Variants in ADNP2 observed in about 807,000 individuals in gnomAD.
The protein encoded by ADNP2 is ADNP homeobox 2, also known as activity-dependent neuroprotector homeobox protein 2.
A neutral mutation model predicts 16.4 loss-of-function variants in ADNP2; 8 were observed. The ratio of observed to expected loss-of-function variants is 0.49; its 90% CI spans 0.29 to 0.88. The LOEUF is 0.88. Among genes scored for constraint, ADNP2 ranks in the 40% least tolerant of loss-of-function variants. ADNP2 has a pLI of 0.09. For missense variants in ADNP2, 1,397 were observed against 1,395.1 expected (o/e 1.00, Z -0.02); for synonymous variants, 637 against 545.8 (o/e 1.17, Z -2.33).
chr18:80,129,610 T>G (rs2052483352), intron 2 of ADNP2, among the ~76,000 whole-genome samples: 1 of 152,152 alleles, frequency 6.6e-6, no homozygotes, highest in Non-Finnish European at 1.5e-5. Flanking sequence ...TTCTTTTAAA[T>G]GAGAAGTTCT....
rs749460963 is a variant in ADNP2 at position 80,138,187 on chromosome 18, A to G, written c.2774A>G (p.Asn925Ser). ...CIHCCGVYTG[N>S]MTLAAIAVHL... ...CACTGCTGTGGGGTCTACACGGGAA[A>G]TATGACCCTGGCTGCCATCGCCGTC... Residue 925 changes from asparagine to serine, a missense_variant, in exon 4 of 4, where the codon AAT becomes AGT. By Grantham distance (46) the Asn-to-Ser change is conservative (BLOSUM62 1). Around this residue, in one of 3 missense-constraint regions of ADNP2, gnomAD observed 611 missense variants for 648.7 expected, o/e 0.94. Transcript: ENST00000262198. 1.9e-6 allele frequency: 3 copies of G among 1,614,164 alleles called. No individual in the cohort carries two copies. Among genetic ancestry groups the G allele is most frequent in the Admixed American group, 3.3e-5 (2 of 60,024 alleles).
At position 80,111,686 on chromosome 18, in the gene ADNP2, C is replaced by A. The variant is rs548473258; in HGVS notation, c.-14+2214C>A. Among the ~76,000 whole-genome samples the A allele has an allele frequency of 2.3e-4, 35 of 151,330 alleles. 2 individuals are homozygous for A. The South Asian group carries it at 6.9e-3, about 30-fold the overall frequency. On this transcript the variant is annotated intron_variant, in intron 1 of 3. Coordinates refer to ENST00000262198, the MANE Select transcript of ADNP2 (RefSeq NM_014913.4). The stretch of plus-strand genomic sequence containing the variant: ...GGTTCAAGCGATTCTCCTGCCTCAG[C>A]GTCCCGAGTAGGACCCAGCCAATTT...
chr18:80,119,023 T>G (rs957561158), intron 2 of ADNP2, among the ~76,000 whole-genome samples: 1 of 152,188 alleles, frequency 6.6e-6, no homozygotes, highest in Non-Finnish European at 1.5e-5. Context: ...GACTCACGCG[T>G]AAACCATTAC....
At chr18:80,112,731 A>G (rs2052365679) in intron 1 of ADNP2, among the ~76,000 whole-genome samples, 1 of 152,224 alleles carries the variant, frequency 6.6e-6, no homozygotes, top group Admixed American at 6.5e-5. Context: ...CCATGCTTAC[A>G]TGAATCAGCC....
chr18:80,123,177 T>C (rs1346373440), intron 2 of ADNP2, among the ~76,000 whole-genome samples: 2 of 152,196 alleles, frequency 1.3e-5, no homozygotes, highest in Non-Finnish European at 2.9e-5. Context: ...ATGCACTCAC[T>C]TGGTCGTGGT....
chr18:80,113,928 T>C (rs2052373085), intron 1 of ADNP2, among the ~76,000 whole-genome samples: 1 of 152,112 alleles, frequency 6.6e-6, no homozygotes, highest in Admixed American at 6.6e-5. Flanking sequence ...TGGTGGTTCA[T>C]GCCTGTAATC....
At chr18:80,132,132 C>T (rs2052501100) in intron 2 of ADNP2, among the ~76,000 whole-genome samples, 1 of 152,162 alleles carries the variant, frequency 6.6e-6, no homozygotes, top group Non-Finnish European at 1.5e-5. Flanking sequence ...GAGGTCTCCT[C>T]TGTTTATTTC....
intron 1 of ADNP2, among the ~76,000 whole-genome samples, chr18:80,114,924 A>G (rs1224061952): frequency 6.6e-6 from 1 of 152,038 alleles, no homozygotes; most frequent in East Asian, 1.9e-4. Flanking sequence ...CTTTCTACAC[A>G]TGTGGTATCT....
In ADNP2 at chr18:80,138,907, C is replaced by T. The variant is rs1409004850; in HGVS notation, c.*98C>T. 1.2e-4 allele frequency: 135 copies of T among 1,154,858 alleles called. No homozygotes were observed. The highest frequency in any genetic ancestry group is 2.6e-5 in the East Asian group (1 of 38,132). The allele number at this position is 1,154,858 out of a possible 1,614,324, so 71.5% of individuals were successfully genotyped here. A position where few individuals can be genotyped will look rare whatever the true frequency, so the allele number is the denominator to read the frequency against. On this transcript the variant is annotated 3_prime_UTR_variant, in exon 4 of 4. Coordinates refer to ENST00000262198, the MANE Select transcript of ADNP2 (RefSeq NM_014913.4). The stretch of plus-strand genomic sequence containing the variant: ...GTCCTCACTGTGTTGGTGAATCAAC[C>T]TCAGTGGTCACTGTGCTGCTCTGCA...
rs9960413 is a variant in ADNP2, at chr18:80,139,722, G to A, written c.*913G>A. ...GAAGGTCTATGATACTCAGGAATAA[G>A]ATTATTGCCCCTGAGTGTGAAAACT... On this transcript the variant is annotated 3_prime_UTR_variant, in exon 4 of 4. Transcript: ENST00000262198. The A allele has an allele frequency of 0.18, 27,892 of 152,416 alleles. 2,803 individuals carry two copies. The highest frequency in any genetic ancestry group is 0.25 in the Middle Eastern group (74 of 294). 9.4% of individuals were successfully genotyped at this position (152,416 alleles called of 1,614,324 possible).
Position 80,137,924 on chromosome 18 carries a change from G to A in ADNP2, c.2511G>A (p.Arg837=), listed in dbSNP as rs755812550. Residue 837 remains arginine (R), a synonymous_variant, in exon 4 of 4, where the codon CGG becomes CGA. Coordinates refer to ENST00000262198, the MANE Select transcript of ADNP2 (RefSeq NM_014913.4). The surrounding 1 kb of genome is among the most constrained non-coding windows in gnomAD (Gnocchi z 4.2). ...TILPKEKLGE[R]EVYLAILAGI... ...TGCCAAAGGAGAAGCTTGGGGAGCGGGAAGTCTACTTGGCAATCCTGGCTG... is the reference window on the plus strand; with the variant it reads ...TGCCAAAGGAGAAGCTTGGGGAGCGAGAAGTCTACTTGGCAATCCTGGCTG... 3.7e-6 allele frequency: 6 copies of A among 1,613,560 alleles called. No homozygotes were observed. The highest frequency in any genetic ancestry group is 2.2e-5 in the South Asian group (2 of 91,082).
intron 1 of ADNP2, among the ~76,000 whole-genome samples, chr18:80,111,130 G>C (rs2052354324): frequency 1.3e-5 from 2 of 152,186 alleles, no homozygotes; most frequent in Admixed American, 1.3e-4. Context: ...TGTTACATAG[G>C]TGGAAACCGG....
In ADNP2 at chr18:80,135,667, T is replaced by C; in HGVS notation, c.254T>C (p.Leu85Pro). Reference sequence around the variant, plus strand: ...CTCTGTAAATACTCTACAAAGGTGCTTACTTCATTCAAGAATCATTTACAT... The same window carrying C: ...CTCTGTAAATACTCTACAAAGGTGCCTACTTCATTCAAGAATCATTTACAT... ...CGLCKYSTKVLTSFKNHLHRY... is the reference protein window; with the variant it reads ...CGLCKYSTKVPTSFKNHLHRY... The change falls in exon 4 of 4, where the codon CTT becomes CCT. Residue 85 changes from leucine (L) to proline (P), a missense_variant. Leu to Pro is a moderately conservative substitution (Grantham distance 98, BLOSUM62 -3). Coordinates refer to ENST00000262198, the MANE Select transcript of ADNP2 (RefSeq NM_014913.4). 1 of 1,614,232 alleles carries C rather than the reference T, an allele frequency of 6.2e-7. No homozygotes were observed. The highest frequency in any genetic ancestry group is 1.1e-5 in the South Asian group (1 of 91,086).
chr18:80,134,388 T>A (rs1283299855), intron 3 of ADNP2, among the ~76,000 whole-genome samples: 26 of 69,232 alleles, frequency 3.8e-4, no homozygotes, highest in African/African-American at 1.1e-3. Context: ...AATGGAAGAG[T>A]GTGTGTGTGT....
intron 2 of ADNP2, among the ~76,000 whole-genome samples, chr18:80,128,494 AC>A (rs1167810187): frequency 5.9e-5 from 9 of 152,256 alleles, no homozygotes; most frequent in Non-Finnish European, 8.8e-5. Context: ...TACTAAAAAT[AC>A]AAAAATTAGC....
chr18:80,117,188 T>C (rs2052394734), intron 1 of ADNP2, among the ~76,000 whole-genome samples: 2 of 152,208 alleles, frequency 1.3e-5, no homozygotes, highest in African/African-American at 4.8e-5. Flanking sequence ...TTTGGTGAAG[T>C]CCATACCTAT....
rs762447901 is a variant in ADNP2 at position 80,137,719 on chromosome 18, G to C, written c.2306G>C (p.Gly769Ala). The change falls in exon 4 of 4, where the codon GGC becomes GCC. Residue 769 changes from glycine (G) to alanine (A), a missense_variant. By Grantham distance (60) the Gly-to-Ala change is moderately conservative. Around this residue, in one of 3 missense-constraint regions of ADNP2, gnomAD observed 611 missense variants for 648.7 expected, o/e 0.94. Coordinates refer to ENST00000262198, the MANE Select transcript of ADNP2 (RefSeq NM_014913.4). This position sits in a 1 kb window ranked among gnomAD's most constrained non-coding sequence, Gnocchi z 4.2. ...EELIHHLLMH[G>A]LGCLFCPCTF... is the part of the protein sequence containing the mutation. ...CTTATACACCACTTGCTGATGCATG[G>C]CTTGGGGTGCTTGTTCTGTCCATGC... The C allele has an allele frequency of 6.2e-7, 1 of 1,614,138 alleles. No individual in the cohort carries two copies. The highest frequency in any genetic ancestry group is 8.5e-7 in the Non-Finnish European group (1 of 1,180,034).
At position 80,138,431 on chromosome 18, in the gene ADNP2, G is replaced by T; in HGVS notation, c.3018G>T (p.Pro1006=). The T allele has an allele frequency of 6.2e-7, 1 of 1,614,026 alleles. No individual in the cohort carries two copies. Among genetic ancestry groups the T allele is most frequent in the Non-Finnish European group, 8.5e-7 (1 of 1,180,036 alleles). The change falls in exon 4 of 4, where the codon CCG becomes CCT. Residue 1006 remains proline, a synonymous_variant. Transcript: ENST00000262198. The part of the protein sequence containing the change: ...QPPILNADAA[P]GPEKVTSVVP... ...CCATCCTAAATGCCGATGCAGCCCCGGGTCCAGAAAAGGTGACGAGTGTTG... is the reference window on the plus strand; with the variant it reads ...CCATCCTAAATGCCGATGCAGCCCCTGGTCCAGAAAAGGTGACGAGTGTTG...
chr18:80,126,371 A>C (rs1401837255), intron 2 of ADNP2, among the ~76,000 whole-genome samples: 1 of 152,212 alleles, frequency 6.6e-6, no homozygotes, highest in Admixed American at 6.5e-5. Flanking sequence ...CATTGATGAT[A>C]GTCTTCATCC....
Sources: allele counts gnomAD v4.1 joint callset (sites outside exome capture counted in the v4.1 genomes callset), GRCh38; gene constraint gnomAD v4.1.1; regional missense constraint gnomAD v4.1.1; non-coding constraint Gnocchi (gnomAD v3.1); transcripts MANE v1.5; gene names NCBI Gene and HGNC (gene_info 2026-07-23, HGNC 2026-07-21).